Variants in ATXN7L1 observed in about 807,000 individuals in gnomAD.
ATXN7L1 encodes ataxin 7 like 1.
A neutral mutation model predicts 70.8 loss-of-function variants in ATXN7L1; 15 were observed. The ratio of observed to expected loss-of-function variants is 0.21; its 90% CI spans 0.14 to 0.33. ATXN7L1 has a LOEUF of 0.33. Among genes scored for constraint, ATXN7L1 ranks in the 10% least tolerant of loss-of-function variants. The probability of loss-of-function intolerance (pLI) is 1.00; values close to 1 mark genes in which losing one functional copy is unlikely to be tolerated. For missense variants in ATXN7L1, 975 were observed against 1,097.1 expected (o/e 0.89, Z 1.57); for synonymous variants, 440 against 445.1 (o/e 0.99, Z 0.14).
chr7:105,686,899 T>C (rs1019306410), intron 3 of ATXN7L1, among the ~76,000 whole-genome samples: 1 of 151,874 alleles, frequency 6.6e-6, no homozygotes, highest in Non-Finnish European at 1.5e-5. Flanking sequence ...GATCAGGGAG[T>C]TGGCCCAGAA....
rs939380273 is a variant in ATXN7L1, at chr7:105,614,075, G to C, written c.2259C>G (p.His753Gln). The C allele has an allele frequency of 3.9e-6, 6 of 1,551,710 alleles. No individual in the cohort carries two copies. In the African/African-American group the frequency reaches 8.2e-5, roughly 21 times the overall value. The part of the protein sequence containing the change: ...CPLSVPSLAL[H>Q]AGDLSLASHN... ...GTGAGGCCAGAGAGAGGTCCCCTGC[G>C]TGGAGCGCAAGGGAGGGCACAGAGA... Residue 753 changes from histidine (H) to glutamine (Q), a missense_variant, in exon 10 of 12, where the codon CAC becomes CAG. By Grantham distance (24) the His-to-Gln change is conservative (BLOSUM62 0). This residue lies in a region of ATXN7L1 where 635 missense variants were observed against 699.4 expected (regional missense o/e 0.91). Transcript: ENST00000419735. This position sits in a 1 kb window ranked among gnomAD's most constrained non-coding sequence, Gnocchi z 4.3.
In ATXN7L1 at chr7:105,607,625, G is replaced by A. The variant is rs1584266753; in HGVS notation, c.*227C>T. 5.4e-6 allele frequency: 3 copies of A among 554,994 alleles called. No homozygotes were observed. The highest frequency in any genetic ancestry group is 4.8e-4 in the Middle Eastern group (1 of 2,066). 34.4% of individuals were successfully genotyped at this position (554,994 alleles called of 1,614,324 possible). A position where few individuals can be genotyped will look rare whatever the true frequency, so the allele number is the denominator to read the frequency against. On this transcript the variant is annotated 3_prime_UTR_variant, in exon 12 of 12. Coordinates refer to ENST00000419735, the MANE Select transcript of ATXN7L1 (RefSeq NM_020725.2). ...ATGGCAAATGAAAGGAAAGACAGCG[G>A]AAACCAAACACTGGAACTGTTTTCT...
intron 3 of ATXN7L1, among the ~76,000 whole-genome samples, chr7:105,716,458 C>G (rs1179462324): frequency 1.3e-5 from 2 of 151,982 alleles, no homozygotes; most frequent in Non-Finnish European, 2.9e-5. Flanking sequence ...GATGCTGGCC[C>G]AGAAAAACAA....
intron 7 of ATXN7L1, among the ~76,000 whole-genome samples, chr7:105,635,698 G>T (rs1797249932): frequency 6.6e-6 from 1 of 152,112 alleles, no homozygotes; most frequent in African/African-American, 2.4e-5. Context: ...GACAAGAATG[G>T]GTTGCAATGT....
chr7:105,725,891 TTTTC>T (rs1277855471), intron 3 of ATXN7L1, among the ~76,000 whole-genome samples: 4 of 147,364 alleles, frequency 2.7e-5, no homozygotes, highest in Non-Finnish European at 3.0e-5. Flanking sequence ...TCCATTTCTT[TTTTC>T]TTTCTTTCTT....
rs902585400 is a variant in ATXN7L1 at position 105,614,617 on chromosome 7, C to T, written c.1717G>A (p.Asp573Asn). The change falls in exon 10 of 12, where the codon GAC becomes AAC. Residue 573 changes from aspartate (D) to asparagine (N), a missense_variant. Physicochemically the swap from Asp to Asn is conservative, Grantham distance 23 (BLOSUM62 1). Coordinates refer to ENST00000419735, the MANE Select transcript of ATXN7L1 (RefSeq NM_020725.2). This position sits in a 1 kb window ranked among gnomAD's most constrained non-coding sequence, Gnocchi z 4.3. ...LSNAAFVTSP[D>N]PSALMSHTTA... ...GTGTGGGACATGAGGGCGCTCGGGT[C>T]CGGCGATGTCACGAAAGCTGCGTTT... 1 of 1,551,686 alleles carries T rather than the reference C, an allele frequency of 6.4e-7. No homozygotes were observed. Among genetic ancestry groups the T allele is most frequent in the African/African-American group, 1.4e-5 (1 of 73,070 alleles).
At chr7:105,719,941 C>A (rs1794992812) in intron 3 of ATXN7L1, among the ~76,000 whole-genome samples, 1 of 152,228 alleles carries the variant, frequency 6.6e-6, no homozygotes, top group African/African-American at 2.4e-5. Context: ...GGCCTCTCTT[C>A]AGCCGTGACC....
intron 3 of ATXN7L1, among the ~76,000 whole-genome samples, chr7:105,681,338 C>T (rs532099328): frequency 1.8e-4 from 28 of 152,186 alleles, no homozygotes; most frequent in African/African-American, 5.3e-4. Flanking sequence ...AAACGCAGAT[C>T]GAAATCACAG....
chr7:105,669,230 C>T (rs1003700891), intron 3 of ATXN7L1, among the ~76,000 whole-genome samples: 1 of 152,162 alleles, frequency 6.6e-6, no homozygotes, highest in Non-Finnish European at 1.5e-5. Flanking sequence ...TACAGGTACG[C>T]ACCACCATGC....
chr7:105,805,234 C>G (rs1263060553), intron 2 of ATXN7L1, among the ~76,000 whole-genome samples: 1 of 152,228 alleles, frequency 6.6e-6, no homozygotes, highest in Non-Finnish European at 1.5e-5. Context: ...TGAGCTCTGG[C>G]TAAGGTGCCA....
At chr7:105,608,013 A>G (rs147459826) in intron 11 of ATXN7L1, 123 bp from the exon 12 acceptor site, 1 of 887,324 alleles carries the variant, frequency 1.1e-6, no homozygotes, top group East Asian at 2.6e-5. Context: ...CACCTCCCAT[A>G]TCCAGCAAAG....
rs73413268 is a variant in ATXN7L1 at position 105,766,215 on chromosome 7, G to A, written c.355+22389C>T. Reference sequence around the variant, plus strand: ...TTGCATCCTTGGACATAATCTGGTGGCTTTATCGATATATAAGCAACAAAT... The same window carrying A: ...TTGCATCCTTGGACATAATCTGGTGACTTTATCGATATATAAGCAACAAAT... On this transcript the variant is annotated intron_variant, in intron 3 of 11. Coordinates refer to ENST00000419735, the MANE Select transcript of ATXN7L1 (RefSeq NM_020725.2). Among the ~76,000 whole-genome samples, 1,382 of 150,526 alleles carry A rather than the reference G, an allele frequency of 9.2e-3. 32 individuals carry two copies. The highest frequency in any genetic ancestry group is 0.032 in the African/African-American group (1,294 of 40,814).
At chr7:105,655,461 G>C (rs1800475425) in intron 4 of ATXN7L1, among the ~76,000 whole-genome samples, 1 of 152,216 alleles carries the variant, frequency 6.6e-6, no homozygotes, top group Non-Finnish European at 1.5e-5. Flanking sequence ...TGGACAGGAG[G>C]ATGGGCAGAG....
At chr7:105,634,697 G>A (rs1350468536) in intron 7 of ATXN7L1, among the ~76,000 whole-genome samples, 1 of 152,114 alleles carries the variant, frequency 6.6e-6, no homozygotes, top group Non-Finnish European at 1.5e-5. Context: ...AGAAATGGAG[G>A]GGTTTTGTGC....
At chr7:105,869,700 T>G (rs1393906518) in intron 2 of ATXN7L1, among the ~76,000 whole-genome samples, 1 of 152,230 alleles carries the variant, frequency 6.6e-6, no homozygotes, top group African/African-American at 2.4e-5. Context: ...CACCAGTTTA[T>G]CTACATCACA....
intron 3 of ATXN7L1, among the ~76,000 whole-genome samples, chr7:105,672,814 T>C (rs747759369): frequency 7.3e-4 from 111 of 152,214 alleles, no homozygotes; most frequent in Non-Finnish European, 1.4e-3. Flanking sequence ...TTTTAGGTGT[T>C]AGGCAGCTGG....
At chr7:105,689,322 A>G (rs1311632247) in intron 3 of ATXN7L1, among the ~76,000 whole-genome samples, 1 of 152,200 alleles carries the variant, frequency 6.6e-6, no homozygotes, top group African/African-American at 2.4e-5. Context: ...TGGCAGGCCA[A>G]TGTCTGGAGG....
At chr7:105,812,892 CTTGGGAGGCTGAG>C (rs1363051648) in intron 2 of ATXN7L1, among the ~76,000 whole-genome samples, 2 of 152,184 alleles carry the variant, frequency 1.3e-5, no homozygotes, top group Non-Finnish European at 2.9e-5. Context: ...GTCCTAGCTA[CTTGGGAGGCTGAG>C]GTGGGAGGAA....
At chr7:105,697,335 A>AC (rs1242936307) in intron 3 of ATXN7L1, among the ~76,000 whole-genome samples, 1 of 152,046 alleles carries the variant, frequency 6.6e-6, no homozygotes, top group Non-Finnish European at 1.5e-5. Context: ...TCAGAGACCT[A>AC]CCCCCCTAGG....
Sources: gnomAD v4.1 joint callset for allele counts (sites outside exome capture counted in the v4.1 genomes callset) on GRCh38, gnomAD v4.1.1 for gene constraint, gnomAD v4.1.1 regional missense constraint, Gnocchi (gnomAD v3.1) non-coding constraint, MANE v1.5 for transcripts, NCBI Gene and HGNC (gene_info 2026-07-23, HGNC 2026-07-21) for gene names.